Variants in PCDHGA3 observed in about 807,000 individuals in gnomAD.
PCDHGA3 encodes protocadherin gamma-A3.
In PCDHGA3, 40 loss-of-function variants were observed where a neutral mutation model predicts 58.5. The observed-to-expected ratio is 0.68, with a 90% CI of 0.53 to 0.89. The LOEUF (loss-of-function observed/expected upper bound fraction) is 0.89. Among genes scored for constraint, PCDHGA3 ranks in the 40% least tolerant of loss-of-function variants. The probability of loss-of-function intolerance (pLI) is 0.00; values close to 1 mark genes in which losing one functional copy is unlikely to be tolerated. For missense variants in PCDHGA3, 1,223 were observed against 1,195.9 expected (o/e 1.02, Z -0.33); for synonymous variants, 530 against 525.7 (o/e 1.01, Z -0.11).
intron 1 of PCDHGA3, chr5:141,404,392 T>C (rs759142051): frequency 3.1e-6 from 5 of 1,613,820 alleles, no homozygotes; most frequent in African/African-American, 1.3e-5. Flanking sequence ...ATGACCCTGA[T>C]AGCAATGAGA....
intron 1 of PCDHGA3, chr5:141,410,318 G>A: frequency 6.2e-7 from 1 of 1,613,982 alleles, no homozygotes; most frequent in Non-Finnish European, 8.5e-7. Flanking sequence ...CTTCCTCCTC[G>A]CCGTGATTCT....
intron 1 of PCDHGA3, chr5:141,374,176 C>A: frequency 6.2e-7 from 1 of 1,613,572 alleles, no homozygotes. Context: ...CAGCGCAGAT[C>A]CGCTACTCTA....
At chr5:141,364,767 C>A (rs868142397) in intron 1 of PCDHGA3, 3 of 1,613,760 alleles carry the variant, frequency 1.9e-6, no homozygotes, top group African/African-American at 1.3e-5. Flanking sequence ...AATGAAAATG[C>A]GGCTGCAGGG....
rs1054594374 is a variant in PCDHGA3 at position 141,489,607 on chromosome 5, A to G, written c.2425-5200A>G. On this transcript the variant is annotated intron_variant, in intron 1 of 3. Coordinates refer to ENST00000253812, the MANE Select transcript of PCDHGA3 (RefSeq NM_018916.4). This position sits in a 1 kb window ranked among gnomAD's most constrained non-coding sequence, Gnocchi z 4.5. ...GGAGCTAATCCGTGTAGAGGTAGAG[A>G]TCCTGGATCTCAATGACAACTCTCC... The G allele has an allele frequency of 6.2e-6, 10 of 1,613,850 alleles. No homozygotes were observed. The highest frequency in any genetic ancestry group is 8.5e-6 in the Non-Finnish European group (10 of 1,179,956).
intron 1 of PCDHGA3, among the ~76,000 whole-genome samples, chr5:141,483,203 A>G (rs940487337): frequency 6.6e-6 from 1 of 152,204 alleles, no homozygotes; most frequent in Admixed American, 6.5e-5. Flanking sequence ...ATTTTATTCC[A>G]TATAGATGAC....
At chr5:141,410,117 C>T (rs768592770) in intron 1 of PCDHGA3, 6 of 1,612,766 alleles carry the variant, frequency 3.7e-6, no homozygotes, top group Admixed American at 3.3e-5. Context: ...GGACGCAGCC[C>T]GCCAGCGCCT....
At chr5:141,405,868 C>T (rs528188485) in intron 1 of PCDHGA3, among the ~76,000 whole-genome samples, 1 of 152,280 alleles carries the variant, frequency 6.6e-6, no homozygotes, top group Non-Finnish European at 1.5e-5. Context: ...TCACTTTTCA[C>T]TGGGCCTAAT....
rs2099609528 is a variant in PCDHGA3 at position 141,485,211 on chromosome 5, G to A, written c.2425-9596G>A. 6.2e-7 allele frequency: 1 copy of A among 1,614,126 alleles called. No individual in the cohort carries two copies. The highest frequency in any genetic ancestry group is 8.5e-7 in the Non-Finnish European group (1 of 1,179,980). Reference sequence around the variant, plus strand: ...GTGAGAAGCTGGACAGAAATCTGGCGGTGGGCTACCCTTTTGTTCCTCTTT... The same window carrying A: ...GTGAGAAGCTGGACAGAAATCTGGCAGTGGGCTACCCTTTTGTTCCTCTTT... On this transcript the variant is annotated intron_variant, in intron 1 of 3. Transcript: ENST00000253812. This position sits in a 1 kb window ranked among gnomAD's most constrained non-coding sequence, Gnocchi z 5.7.
chr5:141,370,155 T>C, intron 1 of PCDHGA3: 1 of 456,622 alleles, frequency 2.2e-6, no homozygotes, highest in Non-Finnish European at 3.8e-6. Flanking sequence ...TTACTGCAGT[T>C]CTGCAGCAGA....
rs770760145 is a variant in PCDHGA3 at position 141,421,951 on chromosome 5, A to C, written c.2425-72856A>C. On this transcript the variant is annotated intron_variant, in intron 1 of 3. Transcript: ENST00000253812. Reference sequence around the variant, plus strand: ...CCTCGATGTAAATGATCACATCCCAATGTTTACACAGTCCGTATATCGCGT... The same window carrying C: ...CCTCGATGTAAATGATCACATCCCACTGTTTACACAGTCCGTATATCGCGT... 1.9e-6 allele frequency: 3 copies of C among 1,612,854 alleles called. No homozygotes were observed. The highest frequency in any genetic ancestry group is 2.5e-6 in the Non-Finnish European group (3 of 1,179,434).
intron 1 of PCDHGA3, chr5:141,417,647 C>T: frequency 2.5e-6 from 2 of 812,384 alleles, no homozygotes; most frequent in Non-Finnish European, 3.7e-6. Context: ...ATCCCTCAGC[C>T]TCTAGCCTGG....
Position 141,394,674 on chromosome 5 carries a change from C to A in PCDHGA3, c.2424+48217C>A, listed in dbSNP as rs1236446796. ...CGAGCCGGGACTCTTCTCGGTGGGT[C>A]TGCACACGGGCGAGGTGCGCACGGC... On this transcript the variant is annotated intron_variant, in intron 1 of 3. Coordinates refer to ENST00000253812, the MANE Select transcript of PCDHGA3 (RefSeq NM_018916.4). 5.0e-6 allele frequency: 8 copies of A among 1,612,640 alleles called. No homozygotes were observed. The highest frequency in any genetic ancestry group is 6.8e-6 in the Non-Finnish European group (8 of 1,179,760).
At chr5:141,350,222 AC>A in intron 1 of PCDHGA3, 2 of 1,494,422 alleles carry the variant, frequency 1.3e-6, no homozygotes, top group Non-Finnish European at 1.8e-6. Flanking sequence ...TTTTTGAAAA[AC>A]ATCCCAGAGG....
chr5:141,360,379 G>A (rs1761567357), intron 1 of PCDHGA3: 11 of 1,613,760 alleles, frequency 6.8e-6, no homozygotes, highest in Non-Finnish European at 9.3e-6. Flanking sequence ...CCCAGAAAGC[G>A]GAGACTTACT....
intron 1 of PCDHGA3, chr5:141,422,936 C>T: frequency 6.2e-7 from 1 of 1,614,260 alleles, no homozygotes; most frequent in Non-Finnish European, 8.5e-7. Flanking sequence ...GCCCTCCCCA[C>T]AGACGGCTCC....
At position 141,432,455 on chromosome 5, in the gene PCDHGA3, G is replaced by A; in HGVS notation, c.2425-62352G>A. The A allele has an allele frequency of 6.2e-7, 1 of 1,614,176 alleles. No individual in the cohort carries two copies. The highest frequency in any genetic ancestry group is 8.5e-7 in the Non-Finnish European group (1 of 1,180,042). On this transcript the variant is annotated intron_variant, in intron 1 of 3. Transcript: ENST00000253812. The surrounding 1 kb of genome is among the most constrained non-coding windows in gnomAD (Gnocchi z 6.0). ...CAATGCGCCCGAGATCCTGTACCCCGCCCTCCCCACGGACGGTTCCACTGG... is the reference window on the plus strand; with the variant it reads ...CAATGCGCCCGAGATCCTGTACCCCACCCTCCCCACGGACGGTTCCACTGG...
chr5:141,427,111 C>G (rs1324091636), intron 1 of PCDHGA3: 7 of 457,560 alleles, frequency 1.5e-5, no homozygotes, highest in South Asian at 1.1e-4. Context: ...GCGGAGATCA[C>G]CTACTCTTTC....
chr5:141,346,123 T>C lies in PCDHGA3; in HGVS notation c.2090T>C (p.Val697Ala), dbSNP rs775333525. The change falls in exon 1 of 4, where the codon GTG (valine) becomes GCG (alanine). Residue 697 changes from valine (V) to alanine (A), a missense_variant. By Grantham distance (64) the Val-to-Ala change is moderately conservative (BLOSUM62 0). This residue lies in a region of PCDHGA3 where 325 missense variants were observed against 327.5 expected (regional missense o/e 0.99). Coordinates refer to ENST00000253812, the MANE Select transcript of PCDHGA3 (RefSeq NM_018916.4). The stretch of plus-strand genomic sequence containing the variant: ...CTCACTCTGTACCTGGTGGTGGCGG[T>C]GGCCGCGGTCTCCTGCGTCTTCCTG... Reference protein sequence around the residue: ...SDLTLYLVVAVAAVSCVFLAF... With the variant: ...SDLTLYLVVAAAAVSCVFLAF... 102 of 1,613,900 alleles carry C rather than the reference T, an allele frequency of 6.3e-5. No homozygotes were observed. The highest frequency in any genetic ancestry group is 1.7e-4 in the African/African-American group (13 of 75,048).
At chr5:141,428,112 A>G (rs2097111373) in intron 1 of PCDHGA3, 1 of 1,607,642 alleles carries the variant, frequency 6.2e-7, no homozygotes, top group Non-Finnish European at 8.5e-7. Context: ...GCTGCAGGCC[A>G]TCGAGCCCGG....
Sources: allele counts gnomAD v4.1 joint callset (sites outside exome capture counted in the v4.1 genomes callset), GRCh38; gene constraint gnomAD v4.1.1; regional missense constraint gnomAD v4.1.1; non-coding constraint Gnocchi (gnomAD v3.1); transcripts MANE v1.5; gene names NCBI Gene and HGNC (gene_info 2026-07-23, HGNC 2026-07-21).